NFAM1: variants seen among roughly 807,000 people sequenced by gnomAD.
The protein encoded by NFAM1 is NFAT activating protein with ITAM motif 1.
In NFAM1, 17 loss-of-function variants were observed where a neutral mutation model predicts 29.0. That is an observed-to-expected ratio of 0.59 (90% CI 0.40 to 0.88). The LOEUF (loss-of-function observed/expected upper bound fraction) is 0.88. Among genes scored for constraint, NFAM1 ranks in the 40% least tolerant of loss-of-function variants. NFAM1 has a pLI of 0.00. For synonymous variants in NFAM1, 175 were observed against 147.2 expected, an observed-to-expected ratio of 1.19 and a Z score of -1.36; for missense variants, 324 against 344.6, an observed-to-expected ratio of 0.94 and a Z score of 0.47.
At chr22:42,410,903 T>C (rs1335635029) in intron 2 of NFAM1, among the ~76,000 whole-genome samples, 2 of 152,104 alleles carry the variant, frequency 1.3e-5, no homozygotes, top group African/African-American at 2.4e-5. Flanking sequence ...GGCCCTGCCC[T>C]TTCCACACCC....
At chr22:42,387,183 A>G (rs908494641) in intron 4 of NFAM1, 105 bp from the exon 5 acceptor site, 1 of 622,502 alleles carries the variant, frequency 1.6e-6, no homozygotes, top group East Asian at 3.3e-5. Context: ...GTGGGAGCCC[A>G]GGGGAGGGTG....
chr22:42,419,458 T>C lies in NFAM1; in HGVS notation c.122-7722A>G, dbSNP rs575897021. On this transcript the variant is annotated intron_variant, in intron 1 of 5. Coordinates refer to ENST00000329021, the MANE Select transcript of NFAM1 (RefSeq NM_145912.8). This position sits in a 1 kb window ranked among gnomAD's most constrained non-coding sequence, Gnocchi z 4.5. ...GTAGTAAGGGCACTGTTTGCGACCT[T>C]CTAGTTTCAGTTATATTCATACAAT... Among the ~76,000 whole-genome samples, 160 of 152,244 alleles carry C rather than the reference T, an allele frequency of 1.1e-3. 7 individuals are homozygous for C. In the South Asian group the frequency reaches 0.033, roughly 31 times the overall value.
upstream of NFAM1, among the ~76,000 whole-genome samples, chr22:42,433,600 G>C (rs539219868): frequency 6.6e-6 from 1 of 152,174 alleles, no homozygotes; most frequent in East Asian, 1.9e-4. Context: ...TTTTCCCTGG[G>C]CTGCTCCAAA....
chr22:42,427,468 T>A (rs557658037), intron 1 of NFAM1, among the ~76,000 whole-genome samples: 1 of 152,218 alleles, frequency 6.6e-6, no homozygotes, highest in Non-Finnish European at 1.5e-5. Flanking sequence ...CACCATTTCC[T>A]GAGCATCTGC....
chr22:42,408,897 G>T (rs1405917086), intron 3 of NFAM1, among the ~76,000 whole-genome samples: 1 of 152,182 alleles, frequency 6.6e-6, no homozygotes, highest in Non-Finnish European at 1.5e-5. Flanking sequence ...AAATCACAAC[G>T]TCTCTGAGCC....
chr22:42,387,587 C>A (rs1037303243), intron 4 of NFAM1, among the ~76,000 whole-genome samples: 9 of 151,258 alleles, frequency 6.0e-5, no homozygotes, highest in African/African-American at 2.2e-4. Flanking sequence ...CCCACCCCAG[C>A]CTGTATTCAA....
At chr22:42,433,376 G>A (rs1930866523), upstream of NFAM1, among the ~76,000 whole-genome samples, 1 of 152,172 alleles carries the variant, frequency 6.6e-6, no homozygotes, top group Non-Finnish European at 1.5e-5. Flanking sequence ...CCAGATAAAT[G>A]TGATGATCCC....
At chr22:42,401,886 G>A (rs1363356086) in intron 3 of NFAM1, among the ~76,000 whole-genome samples, 2 of 152,178 alleles carry the variant, frequency 1.3e-5, no homozygotes, top group Non-Finnish European at 2.9e-5. Context: ...GCAATAATGT[G>A]GCCTTGCCCA....
At chr22:42,393,320 G>A (rs1447151207) in intron 4 of NFAM1, among the ~76,000 whole-genome samples, 1 of 152,140 alleles carries the variant, frequency 6.6e-6, no homozygotes. Context: ...GGAGGTTGTG[G>A]TAGAAAGAGC....
In NFAM1 at chr22:42,390,511, G is replaced by A. The variant is rs544007913; in HGVS notation, c.664-3433C>T. On this transcript the variant is annotated intron_variant, in intron 4 of 5. Transcript: ENST00000329021. Reference sequence around the variant, plus strand: ...TGCACTGAAAGGTCCCATGAGGGTAGAGAGCTGAAAGAATGAGGGAGCGGG... The same window carrying A: ...TGCACTGAAAGGTCCCATGAGGGTAAAGAGCTGAAAGAATGAGGGAGCGGG... 1.7e-4 allele frequency among the ~76,000 whole-genome samples: 26 copies of A among 152,214 alleles called. No homozygotes were observed. In the East Asian group the frequency reaches 4.8e-3, roughly 28 times the overall value.
At chr22:42,415,328 C>A (rs1190842219) in intron 1 of NFAM1, among the ~76,000 whole-genome samples, 3 of 121,988 alleles carry the variant, frequency 2.5e-5, no homozygotes, top group Admixed American at 2.2e-4. Flanking sequence ...GAGATGGAGT[C>A]TCGCTCTGTC....
At chr22:42,386,652 C>T (rs572455088) in intron 5 of NFAM1, among the ~76,000 whole-genome samples, 1 of 152,314 alleles carries the variant, frequency 6.6e-6, no homozygotes, top group East Asian at 1.9e-4. Flanking sequence ...GCTCATAGTG[C>T]ATGGGCACAG....
rs749783887 is a variant in NFAM1 at position 42,411,515 on chromosome 22, G to A, written c.343C>T (p.Gln115Ter). 1 of 1,614,192 alleles carries A rather than the reference G, an allele frequency of 6.2e-7. No individual in the cohort carries two copies. The highest frequency in any genetic ancestry group is 1.1e-5 in the South Asian group (1 of 91,092). Residue 115 changes from glutamine to a stop codon, truncating the protein, a stop_gained, in exon 2 of 6, where the codon CAG (glutamine) becomes TAG (stop). Transcript: ENST00000329021. LOFTEE classifies it high-confidence loss of function. ...TENQSHTLDC[Q>*]VTLVLPGASA... ...GCTCCCGGCAGCACAAGGGTGACCT[G>A]GCAGTCCAGGGTGTGGCTCTGGTTC...
intron 1 of NFAM1, among the ~76,000 whole-genome samples, chr22:42,413,923 G>T (rs1378171695): frequency 5.9e-5 from 9 of 151,992 alleles, no homozygotes; most frequent in South Asian, 4.1e-4. Context: ...GTGTGGTGGT[G>T]GGCACCTGTA....
intron 4 of NFAM1, among the ~76,000 whole-genome samples, chr22:42,394,477 C>T (rs577338443): frequency 1.3e-3 from 197 of 152,218 alleles, no homozygotes; most frequent in African/African-American, 4.4e-3. Flanking sequence ...TATAGATGTG[C>T]GCCACCACAT....
chr22:42,415,403 C>A (rs1442243252), intron 1 of NFAM1, among the ~76,000 whole-genome samples: 3 of 151,074 alleles, frequency 2.0e-5, no homozygotes, highest in Admixed American at 2.0e-4. Flanking sequence ...GGGTTCACGC[C>A]ATTCTCCTGC....
chr22:42,411,549 C>T lies in NFAM1; in HGVS notation c.309G>A (p.Leu103=), dbSNP rs1032476512. The T allele has an allele frequency of 1.9e-6, 3 of 1,614,098 alleles. No individual in the cohort carries two copies. The highest frequency in any genetic ancestry group is 8.5e-7 in the Non-Finnish European group (1 of 1,180,028). Residue 103 remains leucine (L), a synonymous_variant, in exon 2 of 6, where the codon CTG becomes CTA. Transcript: ENST00000329021. ...GGGTGTGGCTCTGGTTCTCTGTGCC[C>T]AGTCCAGGGTGGCAGTTTGTTGGCT... ...PKKPTNCHPG[L]GTENQSHTLD... is the part of the protein sequence containing the mutation.
rs78614382 is a variant in NFAM1 at position 42,401,458 on chromosome 22, T to C, written c.565-3502A>G. Among the ~76,000 whole-genome samples, 1,065 of 151,534 alleles carry C rather than the reference T, an allele frequency of 7.0e-3. 2 individuals carry two copies. The highest frequency in any genetic ancestry group is 0.012 in the Non-Finnish European group (827 of 67,868). The stretch of plus-strand genomic sequence containing the variant: ...CTGCTGCCACAGATGCGGGGTGGAC[T>C]GTAGGTTGGGGCTGGCAAGGGGAGG... On this transcript the variant is annotated intron_variant, in intron 3 of 5. Coordinates refer to ENST00000329021, the MANE Select transcript of NFAM1 (RefSeq NM_145912.8).
Position 42,411,287 on chromosome 22 carries a change from G to T in NFAM1, c.451+120C>A, listed in dbSNP as rs540178785. The T allele has an allele frequency of 2.1e-5, 16 of 751,284 alleles. No homozygotes were observed. In the East Asian group the frequency reaches 3.8e-4, roughly 18 times the overall value. 46.5% of individuals were successfully genotyped at this position (751,284 alleles called of 1,614,324 possible). ...GATCCACCCGCCTCAGCCTCCCAAA[G>T]TGCTGGGATGTGTGAGCCACTGCGC... is the stretch of plus-strand genomic sequence containing the variant. On this transcript the variant is annotated intron_variant, in intron 2 of 5. Coordinates refer to ENST00000329021, the MANE Select transcript of NFAM1 (RefSeq NM_145912.8).
Sources: allele counts gnomAD v4.1 joint callset (sites outside exome capture counted in the v4.1 genomes callset), GRCh38; gene constraint gnomAD v4.1.1; non-coding constraint Gnocchi (gnomAD v3.1); transcripts MANE v1.5; gene names NCBI Gene and HGNC (gene_info 2026-07-23, HGNC 2026-07-21).